Variants in PKP4 observed in about 807,000 individuals in gnomAD.
The protein encoded by PKP4 is plakophilin-4.
In PKP4, 90 loss-of-function variants were observed where a neutral mutation model predicts 145.1. The ratio of observed to expected loss-of-function variants is 0.62; its 90% CI spans 0.52 to 0.74. PKP4 has a LOEUF of 0.74. PKP4 is among the 30% of genes least tolerant of loss of function. PKP4 has a pLI of 0.00. For missense variants in PKP4, 1,340 were observed against 1,482.7 expected (o/e 0.90, Z 1.58); for synonymous variants, 563 against 577.2 (o/e 0.98, Z 0.35).
chr2:158,458,481 C>G (rs1172379911), intron 1 of PKP4: 2 of 152,374 alleles, frequency 1.3e-5, no homozygotes, highest in Non-Finnish European at 2.9e-5. Flanking sequence ...GATCATTGCA[C>G]AGGGCTGTTG....
chr2:158,641,127 C>T (rs1156546218), intron 10 of PKP4, among the ~76,000 whole-genome samples: 1 of 151,962 alleles, frequency 6.6e-6, no homozygotes, highest in Non-Finnish European at 1.5e-5. Context: ...ACCTGAGGTC[C>T]GGAATTCAAG....
At chr2:158,634,449 G>A in intron 9 of PKP4, among the ~76,000 whole-genome samples, 160 bp downstream of exon 9, 1 of 152,024 alleles carries the variant, frequency 6.6e-6, no homozygotes. Context: ...AGCTATATAG[G>A]TCATTGAGGT....
At chr2:158,659,346 G>A (rs1472194953) in intron 12 of PKP4, 1 of 152,290 alleles carries the variant, frequency 6.6e-6, no homozygotes, top group Non-Finnish European at 1.5e-5. Flanking sequence ...TTACTCCTCA[G>A]CCAGCCAGCT....
intron 2 of PKP4, among the ~76,000 whole-genome samples, chr2:158,564,261 A>T (rs1440213092): frequency 1.3e-5 from 2 of 152,036 alleles, no homozygotes; most frequent in East Asian, 3.9e-4. Context: ...TTGGGTTTTT[A>T]AATTTTGTTG....
At chr2:158,641,504 A>G (rs751031142) in intron 10 of PKP4, among the ~76,000 whole-genome samples, 2 of 152,126 alleles carry the variant, frequency 1.3e-5, no homozygotes, top group African/African-American at 2.4e-5. Flanking sequence ...TTTTTTTGGT[A>G]TTTATAGAAA....
intron 3 of PKP4, among the ~76,000 whole-genome samples, chr2:158,592,145 C>A (rs906153119): frequency 3.3e-5 from 5 of 151,978 alleles, no homozygotes; most frequent in Non-Finnish European, 5.9e-5. Flanking sequence ...AGGCTTTTTT[C>A]TGCTTCATTC....
chr2:158,634,234 G>T lies in PKP4; in HGVS notation c.1507G>T (p.Ala503Ser), dbSNP rs1409994195. 1.9e-6 allele frequency: 3 copies of T among 1,614,068 alleles called. No homozygotes were observed. In the South Asian group the frequency reaches 3.3e-5, roughly 18 times the overall value. Residue 503 changes from alanine to serine, a missense_variant, in exon 9 of 22, where the codon GCT becomes TCT. Coordinates refer to ENST00000389759, the MANE Select transcript of PKP4 (RefSeq NM_003628.6). ...NYNRLQHAVP[A>S]DDGTTRSPSI... ...TAACAGGCTTCAGCATGCAGTGCCG[G>T]CTGATGATGGCACCACAAGATCCCC...
In PKP4 at chr2:158,640,743, A is replaced by G. The variant is rs779499304; in HGVS notation, c.1679A>G (p.Asn560Ser). 3 of 1,614,126 alleles carry G rather than the reference A, an allele frequency of 1.9e-6. No homozygotes were observed. In the Admixed American group the frequency reaches 5.0e-5, roughly 27 times the overall value. Residue 560 changes from asparagine (N) to serine (S), a missense_variant, in exon 10 of 22, where the codon AAC (asparagine) becomes AGC (serine). Coordinates refer to ENST00000389759, the MANE Select transcript of PKP4 (RefSeq NM_003628.6). ...AYLQHLCFGD[N>S]KVKMEVCRLG... Reference sequence around the variant, plus strand: ...CTGCAGCACCTGTGCTTTGGTGACAACAAAGTGAAGATGGAGGTACAGGAC... The same window carrying G: ...CTGCAGCACCTGTGCTTTGGTGACAGCAAAGTGAAGATGGAGGTACAGGAC...
chr2:158,547,323 A>G lies in PKP4; in HGVS notation c.132+14007A>G, dbSNP rs1312546992. Among the ~76,000 whole-genome samples, 3 of 152,338 alleles carry G rather than the reference A, an allele frequency of 2.0e-5. No homozygotes were observed. The East Asian group carries it at 5.8e-4, about 29-fold the overall frequency. The stretch of plus-strand genomic sequence containing the variant: ...TAATAAATTATATTCATAACATACA[A>G]CAAGAAAAAAGAACCCAACCATTGA... On this transcript the variant is annotated intron_variant, in intron 2 of 21. Coordinates refer to ENST00000389759, the MANE Select transcript of PKP4 (RefSeq NM_003628.6).
At chr2:158,540,290 T>C (rs963728142) in intron 2 of PKP4, among the ~76,000 whole-genome samples, 6 of 152,194 alleles carry the variant, frequency 3.9e-5, no homozygotes, top group African/African-American at 1.4e-4. Context: ...ACAGACTCCA[T>C]GTGGCTGTTC....
intron 9 of PKP4, among the ~76,000 whole-genome samples, chr2:158,638,106 C>T (rs1411451025): frequency 6.6e-6 from 1 of 152,176 alleles, no homozygotes; most frequent in East Asian, 1.9e-4. Context: ...TCCTTGCACT[C>T]TGTTAATTAC....
rs1441602802 is a variant in PKP4 at position 158,642,568 on chromosome 2, C to T, written c.1778C>T (p.Ala593Val). 6.2e-7 allele frequency: 1 copy of T among 1,613,632 alleles called. No individual in the cohort carries two copies. The highest frequency in any genetic ancestry group is 8.5e-7 in the Non-Finnish European group (1 of 1,179,650). Residue 593 changes from alanine (A) to valine (V), a missense_variant, in exon 11 of 22, where the codon GCC (alanine) becomes GTC (valine). Transcript: ENST00000389759. ...VLEVQKNACG[A>V]LRNLVFGKST... ...GAAGTTCAGAAGAATGCTTGTGGTG[C>T]CCTTCGAAACCTCGTTTTTGGCAAG...
At chr2:158,572,056 A>C (rs541465577) in intron 2 of PKP4, among the ~76,000 whole-genome samples, 1 of 152,344 alleles carries the variant, frequency 6.6e-6, no homozygotes, top group Non-Finnish European at 1.5e-5. Context: ...GTAGACATCA[A>C]CCTAAACAGG....
In PKP4 at chr2:158,552,878, A is replaced by G. The variant is rs558342053; in HGVS notation, c.132+19562A>G. Reference sequence around the variant, plus strand: ...AAAAATGCTAGTGAAATAAGCACATATTGTTGGAAAAAAATGTGCCAGTAG... The same window carrying G: ...AAAAATGCTAGTGAAATAAGCACATGTTGTTGGAAAAAAATGTGCCAGTAG... On this transcript the variant is annotated intron_variant, in intron 2 of 21. Coordinates refer to ENST00000389759, the MANE Select transcript of PKP4 (RefSeq NM_003628.6). 3.3e-5 allele frequency among the ~76,000 whole-genome samples: 5 copies of G among 152,342 alleles called. No homozygotes were observed. In the East Asian group the frequency reaches 7.7e-4, roughly 23 times the overall value.
intron 2 of PKP4, among the ~76,000 whole-genome samples, chr2:158,562,507 T>G (rs1260342170): frequency 6.6e-6 from 1 of 152,194 alleles, no homozygotes; most frequent in Non-Finnish European, 1.5e-5. Flanking sequence ...AACTGGGAGT[T>G]GTTTTTTCAG....
intron 1 of PKP4, among the ~76,000 whole-genome samples, chr2:158,468,653 G>A (rs1370040842): frequency 2.0e-5 from 3 of 151,804 alleles, no homozygotes; most frequent in Non-Finnish European, 4.4e-5. Context: ...TTTCCTATGT[G>A]ATTGGAATTA....
chr2:158,554,247 A>C (rs1574453952), intron 2 of PKP4, among the ~76,000 whole-genome samples: 1 of 151,146 alleles, frequency 6.6e-6, no homozygotes, highest in Non-Finnish European at 1.5e-5. Context: ...TCTCCAGTTC[A>C]CCTCCTGCTG....
At chr2:158,523,617 A>G (rs1343538445) in intron 1 of PKP4, among the ~76,000 whole-genome samples, 1 of 127,754 alleles carries the variant, frequency 7.8e-6, no homozygotes, top group African/African-American at 3.2e-5. Context: ...CAGCAACAGA[A>G]CAAAGCTGGA....
intron 3 of PKP4, 123 bp from the exon 4 acceptor site, chr2:158,602,947 A>G (rs761931423): frequency 6.0e-6 from 3 of 501,918 alleles, no homozygotes; most frequent in Non-Finnish European, 1.1e-5. Context: ...AATTTTATTT[A>G]AGGTTTTTGT....
Sources: allele counts gnomAD v4.1 joint callset (sites outside exome capture counted in the v4.1 genomes callset), GRCh38; gene constraint gnomAD v4.1.1; transcripts MANE v1.5; gene names NCBI Gene and HGNC (gene_info 2026-07-23, HGNC 2026-07-21).